Variants in GADD45G observed in about 807,000 individuals in gnomAD.
The protein encoded by GADD45G is growth arrest and DNA damage-inducible protein GADD45 gamma.
GADD45G carries 7 observed loss-of-function variants against 17.3 expected under a neutral mutation model. The ratio of observed to expected loss-of-function variants is 0.41; its 90% confidence interval spans 0.23 to 0.76. The LOEUF (loss-of-function observed/expected upper bound fraction) is 0.76, where lower values mean the gene tolerates loss of function less well. Ranked by LOEUF, GADD45G falls within the 30% of genes least tolerant of loss-of-function variation. The probability of loss-of-function intolerance (pLI) is 0.34; values close to 1 mark genes in which losing one functional copy is unlikely to be tolerated. For synonymous variants in GADD45G, 93 were observed against 94.9 expected (o/e 0.98, Z 0.12); for missense variants, 149 against 219.2 (o/e 0.68, Z 2.02).
rs1286420195 is a variant in GADD45G, at chr9:89,606,028, G to A, written c.429G>A (p.Glu143=). ...TGGAGAAGCTCAGCCTGTTTTGCGA[G>A]GAGAGCCGCAGCGTTAACGACTGGG... ...PALEKLSLFC[E]ESRSVNDWVP... Residue 143 remains glutamate (E), a synonymous_variant, in exon 4 of 4, where the codon GAG becomes GAA. Coordinates refer to ENST00000252506, the MANE Select transcript of GADD45G (RefSeq NM_006705.4). 3.1e-6 allele frequency: 5 copies of A among 1,613,756 alleles called. No individual in the cohort carries two copies. The highest frequency in any genetic ancestry group is 4.2e-6 in the Non-Finnish European group (5 of 1,179,806).
chr9:89,605,380 C>T (rs1356257847), intron 1 of GADD45G, 52 bp from the exon 2 acceptor site: 2 of 1,378,804 alleles, frequency 1.5e-6, no homozygotes, highest in Admixed American at 4.0e-5. Context: ...GGGCTGGGGT[C>T]TCCGCCGCGC....
chr9:89,605,479 A>G lies in GADD45G; in HGVS notation c.101A>G (p.Gln34Arg). ...KALHELLLSAQRQGCLTAGVY... is the reference protein window; with the variant it reads ...KALHELLLSARRQGCLTAGVY... ...CTGCATGAGTTGCTGCTGTCGGCGC[A>G]GCGTCAGGGCTGCCTCACTGCCGGC... The change falls in exon 2 of 4, where the codon CAG (glutamine) becomes CGG (arginine). Residue 34 changes from glutamine to arginine, a missense_variant. This residue lies in a region of GADD45G where 39 missense variants were observed against 99.9 expected (regional missense o/e 0.39). Coordinates refer to ENST00000252506, the MANE Select transcript of GADD45G (RefSeq NM_006705.4). The G allele has an allele frequency of 6.4e-7, 1 of 1,562,550 alleles. No individual in the cohort carries two copies. The highest frequency in any genetic ancestry group is 8.7e-7 in the Non-Finnish European group (1 of 1,153,006).
In GADD45G at chr9:89,606,357, A is replaced by G. The variant is rs1363016214; in HGVS notation, c.*278A>G. The stretch of plus-strand genomic sequence containing the variant: ...GACGTTGGCCTCAGGGCCAGGAAGG[A>G]CAGACTGGCCGGGCAGGCGTGACTC... On this transcript the variant is annotated 3_prime_UTR_variant, in exon 4 of 4. Coordinates refer to ENST00000252506, the MANE Select transcript of GADD45G (RefSeq NM_006705.4). 2.0e-6 allele frequency: 1 copy of G among 495,682 alleles called. No individual in the cohort carries two copies. Among genetic ancestry groups the G allele is most frequent in the African/African-American group, 2.0e-5 (1 of 50,454 alleles). The allele number at this position is 495,682 out of a possible 1,614,324, so 30.7% of individuals were successfully genotyped here.
chr9:89,605,991 A>G lies in GADD45G; in HGVS notation c.392A>G (p.Lys131Arg). 6.2e-7 allele frequency: 1 copy of G among 1,613,488 alleles called. No homozygotes were observed. The highest frequency in any genetic ancestry group is 8.5e-7 in the Non-Finnish European group (1 of 1,179,676). Residue 131 changes from lysine (K) to arginine (R), a missense_variant, in exon 4 of 4, where the codon AAG becomes AGG. Lys to Arg is a conservative substitution (Grantham distance 26). Transcript: ENST00000252506. The part of the protein sequence containing the change: ...LISNPNEDAW[K>R]DPALEKLSLF... Reference sequence around the variant, plus strand: ...CAGAACCCCAACGAGGACGCCTGGAAGGATCCCGCCTTGGAGAAGCTCAGC... The same window carrying G: ...CAGAACCCCAACGAGGACGCCTGGAGGGATCCCGCCTTGGAGAAGCTCAGC...
Position 89,606,245 on chromosome 9 carries a change from G to A in GADD45G, c.*166G>A. The A allele has an allele frequency of 1.6e-6, 1 of 628,366 alleles. No individual in the cohort carries two copies. Among genetic ancestry groups the A allele is most frequent in the East Asian group, 2.7e-5 (1 of 36,568 alleles). 38.9% of individuals were successfully genotyped at this position (628,366 alleles called of 1,614,324 possible). A position where few individuals can be genotyped will look rare whatever the true frequency, so the allele number is the denominator to read the frequency against. Reference sequence around the variant, plus strand: ...AGGAGGCGCGGCCTCCCGAGGAGGGGCCCGGTGGCGGCAGGGCCAGGCTGG... The same window carrying A: ...AGGAGGCGCGGCCTCCCGAGGAGGGACCCGGTGGCGGCAGGGCCAGGCTGG... On this transcript the variant is annotated 3_prime_UTR_variant, in exon 4 of 4. Transcript: ENST00000252506.
Position 89,605,153 on chromosome 9 carries a change from C to T in GADD45G, c.32C>T (p.Thr11Ile). Residue 11 changes from threonine (T) to isoleucine (I), a missense_variant, in exon 1 of 4, where the codon ACA (threonine) becomes ATA (isoleucine). Around this residue, in one of 3 missense-constraint regions of GADD45G, gnomAD observed 37 missense variants for 34.9 expected, o/e 1.06. Transcript: ENST00000252506. MTLEEVRGQD[T>I]VPESTARMQG... ...CTGGAAGAAGTCCGCGGCCAGGACACAGTTCCGGAAAGCACAGCCAGGTGG... is the reference window on the plus strand; with the variant it reads ...CTGGAAGAAGTCCGCGGCCAGGACATAGTTCCGGAAAGCACAGCCAGGTGG... The T allele has an allele frequency of 6.2e-7, 1 of 1,613,842 alleles. No homozygotes were observed. Among genetic ancestry groups the T allele is most frequent in the Non-Finnish European group, 8.5e-7 (1 of 1,179,766 alleles).
At chr9:89,605,393 T>A (rs928118211) in intron 1 of GADD45G, 39 bp from the exon 2 acceptor site, 1 of 1,467,098 alleles carries the variant, frequency 6.8e-7, no homozygotes, top group African/African-American at 1.4e-5. Flanking sequence ...CGCCGCGCCC[T>A]CCGGCCGGCT....
At chr9:89,605,909 CCA>C in intron 3 of GADD45G, 29 bp downstream of exon 3, 2 of 1,588,436 alleles carry the variant, frequency 1.3e-6, no homozygotes, top group Non-Finnish European at 1.7e-6. Flanking sequence ...TGTCCCCGCC[CCA>C]GTGTCGTTCC....
In GADD45G at chr9:89,605,745, T is replaced by C; in HGVS notation, c.234T>C (p.Phe78=). 6.2e-7 allele frequency: 1 copy of C among 1,614,102 alleles called. No individual in the cohort carries two copies. The highest frequency in any genetic ancestry group is 8.5e-7 in the Non-Finnish European group (1 of 1,179,994). The change falls in exon 3 of 4, where the codon TTT becomes TTC. Residue 78 remains phenylalanine (F), a synonymous_variant. Transcript: ENST00000252506. The part of the protein sequence containing the change: ...DEGDIALQIH[F]TLIQAFCCEN... Reference sequence around the variant, plus strand: ...GCGACATCGCGCTGCAGATCCATTTTACGCTGATCCAGGCTTTCTGCTGCG... The same window carrying C: ...GCGACATCGCGCTGCAGATCCATTTCACGCTGATCCAGGCTTTCTGCTGCG...
chr9:89,605,370 G>C (rs1293505465), intron 1 of GADD45G, 62 bp from the exon 2 acceptor site: 18 of 1,283,664 alleles, frequency 1.4e-5, no homozygotes, highest in Middle Eastern at 2.6e-4. Flanking sequence ...CCGGTGGCCG[G>C]GGCTGGGGTC....
In GADD45G at chr9:89,606,202, G is replaced by C; in HGVS notation, c.*123G>C. The C allele has an allele frequency of 1.4e-6, 1 of 738,620 alleles. No homozygotes were observed. Among genetic ancestry groups the C allele is most frequent in the Non-Finnish European group, 2.3e-6 (1 of 434,470 alleles). The allele number at this position is 738,620 out of a possible 1,614,324, so 45.8% of individuals were successfully genotyped here. ...TGCGGCGTGGAGACTGGCAGGCGGG[G>C]GGGGCGCCTGGAGAGCGAGGAGGCG... On this transcript the variant is annotated 3_prime_UTR_variant, in exon 4 of 4. Coordinates refer to ENST00000252506, the MANE Select transcript of GADD45G (RefSeq NM_006705.4).
At chr9:89,605,222 A>G (rs1827500986) in intron 1 of GADD45G, 48 bp downstream of exon 1, 2 of 1,535,432 alleles carry the variant, frequency 1.3e-6, no homozygotes, top group Non-Finnish European at 1.8e-6. Context: ...GGCGACCGTC[A>G]GGGTTTTCCA....
Position 89,606,253 on chromosome 9 carries a change from G to T in GADD45G, c.*174G>T. On this transcript the variant is annotated 3_prime_UTR_variant, in exon 4 of 4. Coordinates refer to ENST00000252506, the MANE Select transcript of GADD45G (RefSeq NM_006705.4). ...CGGCCTCCCGAGGAGGGGCCCGGTGGCGGCAGGGCCAGGCTGGTCCGAGCT... is the reference window on the plus strand; with the variant it reads ...CGGCCTCCCGAGGAGGGGCCCGGTGTCGGCAGGGCCAGGCTGGTCCGAGCT... 1 of 622,198 alleles carries T rather than the reference G, an allele frequency of 1.6e-6. No individual in the cohort carries two copies. Among genetic ancestry groups the T allele is most frequent in the Non-Finnish European group, 2.9e-6 (1 of 348,248 alleles). The allele number at this position is 622,198 out of a possible 1,614,324, so 38.5% of individuals were successfully genotyped here.
rs1187092970 is a variant in GADD45G, at chr9:89,606,325, A to G, written c.*246A>G. 3.6e-6 allele frequency: 2 copies of G among 555,080 alleles called. No individual in the cohort carries two copies. The highest frequency in any genetic ancestry group is 3.2e-6 in the Non-Finnish European group (1 of 309,564). 34.4% of individuals were successfully genotyped at this position (555,080 alleles called of 1,614,324 possible). ...AGCGGCTGCTCGCCCAGGAAGGCCT[A>G]GGCTAGGACGTTGGCCTCAGGGCCA... On this transcript the variant is annotated 3_prime_UTR_variant, in exon 4 of 4. Coordinates refer to ENST00000252506, the MANE Select transcript of GADD45G (RefSeq NM_006705.4).
Position 89,606,451 on chromosome 9 carries a change from T to G in GADD45G, c.*372T>G. 3.6e-6 allele frequency: 1 copy of G among 276,044 alleles called. No homozygotes were observed. Among genetic ancestry groups the G allele is most frequent in the Non-Finnish European group, 6.9e-6 (1 of 145,194 alleles). 17.1% of individuals were successfully genotyped at this position (276,044 alleles called of 1,614,324 possible). ...TACAGTTGCAGGAGCGTGAAGGACT[T>G]AGCCGACTGCGCTGCTTTTTCAAAA... On this transcript the variant is annotated 3_prime_UTR_variant, in exon 4 of 4. Transcript: ENST00000252506.
In GADD45G at chr9:89,606,294, G is replaced by A. The variant is rs1228601856; in HGVS notation, c.*215G>A. On this transcript the variant is annotated 3_prime_UTR_variant, in exon 4 of 4. Transcript: ENST00000252506. ...GGTCCGAGCTGAGGACTCTGCAAGT[G>A]TCTGGAGCGGCTGCTCGCCCAGGAA... 1.7e-6 allele frequency: 1 copy of A among 586,230 alleles called. No individual in the cohort carries two copies. The highest frequency in any genetic ancestry group is 3.1e-6 in the Non-Finnish European group (1 of 327,780). The allele number at this position is 586,230 out of a possible 1,614,324, so 36.3% of individuals were successfully genotyped here.
At chr9:89,605,381 T>G (rs1185653121) in intron 1 of GADD45G, 51 bp from the exon 2 acceptor site, 1 of 1,385,406 alleles carries the variant, frequency 7.2e-7, no homozygotes, top group African/African-American at 1.4e-5. Context: ...GGCTGGGGTC[T>G]CCGCCGCGCC....
At chr9:89,605,643 T>A (rs62559577) in intron 2 of GADD45G, 24 bp from the exon 3 acceptor site, 89,009 of 1,609,584 alleles carry the variant, frequency 0.055, 2,953 homozygotes, top group Non-Finnish European at 0.066. Context: ...GGTTCTGACC[T>A]AGGTCCCCGC....
rs1588253094 is a variant in GADD45G, at chr9:89,605,050, C to G, written c.-72C>G. On this transcript the variant is annotated 5_prime_UTR_variant, in exon 1 of 4. Transcript: ENST00000252506. ...GTGGGCGCGCCGTGCTGAGCTCTGG[C>G]TGTCAGTGTGTTCGCCCGCGTCCCC... 8 of 1,206,358 alleles carry G rather than the reference C, an allele frequency of 6.6e-6. No homozygotes were observed. In the African/African-American group the frequency reaches 8.9e-5, roughly 13 times the overall value. 74.7% of individuals were successfully genotyped at this position (1,206,358 alleles called of 1,614,324 possible). A position where few individuals can be genotyped will look rare whatever the true frequency, so the allele number is the denominator to read the frequency against.
Sources: allele counts gnomAD v4.1 joint callset, GRCh38; gene constraint gnomAD v4.1.1; regional missense constraint gnomAD v4.1.1; transcripts MANE v1.5; gene names NCBI Gene and HGNC (gene_info 2026-07-23, HGNC 2026-07-21).